The following KCNIP1 variants were observed in gnomAD, a reference collection of about 807,000 sequenced individuals.
KCNIP1 encodes potassium voltage-gated channel interacting protein 1.
A neutral mutation model predicts 33.0 loss-of-function variants in KCNIP1; 18 were observed. The ratio of observed to expected loss-of-function variants is 0.55; its 90% CI spans 0.38 to 0.81. KCNIP1 has a LOEUF of 0.81. KCNIP1 is among the 30% of genes least tolerant of loss of function. The pLI, the probability that KCNIP1 is intolerant of heterozygous loss-of-function variation, is 0.00. For missense variants in KCNIP1, 238 were observed against 271.6 expected, an observed-to-expected ratio of 0.88 and a Z score of 0.87; for synonymous variants, 93 against 98.3, an observed-to-expected ratio of 0.95 and a Z score of 0.32.
At position 170,550,117 on chromosome 5, in the gene KCNIP1, C is replaced by T. The variant is rs111961411; in HGVS notation, c.61+45484C>T. Among the ~76,000 whole-genome samples the T allele has an allele frequency of 3.3e-4, 50 of 152,188 alleles. 1 individual carries two copies. Among genetic ancestry groups the T allele is most frequent in the Admixed American group, 1.1e-3 (17 of 15,264 alleles). ...GCCCCTCAAATTGTTGGATCACAGC[C>T]GTGGAACAGGCCCCAGAGCTGGGAA... On this transcript the variant is annotated intron_variant, in intron 1 of 7. Coordinates refer to ENST00000328939, the MANE Select transcript of KCNIP1 (RefSeq NM_014592.4).
intron 1 of KCNIP1, among the ~76,000 whole-genome samples, chr5:170,496,763 C>G (rs372094239): frequency 6.6e-6 from 1 of 152,158 alleles, no homozygotes; most frequent in Non-Finnish European, 1.5e-5. Flanking sequence ...TCAGTCTCAC[C>G]CGTCCACCCT....
intron 1 of KCNIP1, among the ~76,000 whole-genome samples, chr5:170,470,432 CTT>C (rs977314658): frequency 5.3e-5 from 8 of 152,040 alleles, no homozygotes; most frequent in South Asian, 4.2e-4. Context: ...GACTTTTACT[CTT>C]GTTACCGAAC....
intron 1 of KCNIP1, among the ~76,000 whole-genome samples, chr5:170,621,156 C>A (rs2113642929): frequency 6.6e-6 from 1 of 152,336 alleles, no homozygotes; most frequent in South Asian, 2.1e-4. Flanking sequence ...ATTTTCCCAT[C>A]TGCAAAATGG....
chr5:170,426,799 G>A (rs571761073), intron 1 of KCNIP1, among the ~76,000 whole-genome samples: 23 of 152,382 alleles, frequency 1.5e-4, no homozygotes, highest in African/African-American at 5.5e-4. Flanking sequence ...ACTCCCAAGA[G>A]GGGTTCGTAG....
intron 1 of KCNIP1, chr5:170,486,013 T>C (rs1581234925): frequency 6.6e-6 from 1 of 152,526 alleles, no homozygotes; most frequent in East Asian, 1.9e-4. Flanking sequence ...GATGAGGACA[T>C]TACCTTTCTC....
chr5:170,448,470 G>A (rs1756169766), intron 1 of KCNIP1, among the ~76,000 whole-genome samples: 3 of 152,382 alleles, frequency 2.0e-5, no homozygotes, highest in Non-Finnish European at 4.4e-5. Flanking sequence ...GGGCTTGGAG[G>A]AGTGGCTGCT....
At chr5:170,455,393 G>A (rs1335668914) in intron 1 of KCNIP1, among the ~76,000 whole-genome samples, 2 of 152,034 alleles carry the variant, frequency 1.3e-5, no homozygotes, top group Admixed American at 6.5e-5. Flanking sequence ...AGGCTAGAGT[G>A]CAGTGGTGTG....
chr5:170,623,639 G>A (rs1324392878), intron 1 of KCNIP1, among the ~76,000 whole-genome samples: 1 of 152,118 alleles, frequency 6.6e-6, no homozygotes, highest in Non-Finnish European at 1.5e-5. Context: ...GCTTCATGAA[G>A]TTTCAGGTAA....
chr5:170,605,770 C>CTTTTTTTTT, intron 1 of KCNIP1, among the ~76,000 whole-genome samples: 1 of 102,350 alleles, frequency 9.8e-6, no homozygotes, highest in Non-Finnish European at 1.9e-5. Context: ...CAACCCTGTT[C>CTTTTTTTTT]TTTTTTTTTT....
chr5:170,396,839 C>G (rs1450989837), intron 1 of KCNIP1, among the ~76,000 whole-genome samples: 1 of 152,192 alleles, frequency 6.6e-6, no homozygotes, highest in Non-Finnish European at 1.5e-5. Flanking sequence ...TTAGTTAAAT[C>G]TCTCTGGGAT....
At chr5:170,367,176 A>G (rs1581113880) in intron 1 of KCNIP1, among the ~76,000 whole-genome samples, 2 of 151,842 alleles carry the variant, frequency 1.3e-5, no homozygotes, top group East Asian at 3.9e-4. Flanking sequence ...TTAGCTGGGC[A>G]TGGTGGCACA....
intron 1 of KCNIP1, among the ~76,000 whole-genome samples, chr5:170,619,871 C>T (rs1478493930): frequency 6.6e-6 from 1 of 152,126 alleles, no homozygotes; most frequent in South Asian, 2.1e-4. Flanking sequence ...CTTTAGAAAT[C>T]CTCAGATCAC....
intron 1 of KCNIP1, among the ~76,000 whole-genome samples, chr5:170,665,632 C>G (rs1385316344): frequency 6.6e-6 from 1 of 152,204 alleles, no homozygotes; most frequent in Non-Finnish European, 1.5e-5. Flanking sequence ...ATTATTTGCT[C>G]AAGTCCATAC....
intron 1 of KCNIP1, among the ~76,000 whole-genome samples, chr5:170,547,533 C>T (rs1197891751): frequency 6.6e-6 from 1 of 152,202 alleles, no homozygotes. Context: ...CCTCCTCCCA[C>T]CCTCTGGTGG....
At chr5:170,659,043 C>T (rs573391554) in intron 1 of KCNIP1, among the ~76,000 whole-genome samples, 1 of 152,310 alleles carries the variant, frequency 6.6e-6, no homozygotes, top group South Asian at 2.1e-4. Context: ...CATTGAGACA[C>T]GTACTGAGGG....
At chr5:170,652,608 G>A (rs1013698535) in intron 1 of KCNIP1, among the ~76,000 whole-genome samples, 4 of 152,124 alleles carry the variant, frequency 2.6e-5, no homozygotes, top group African/African-American at 4.8e-5. Context: ...CAGAGGAAAG[G>A]GGGCATTGCC....
At chr5:170,714,956 G>A (rs1296480018) in intron 1 of KCNIP1, among the ~76,000 whole-genome samples, 1 of 152,084 alleles carries the variant, frequency 6.6e-6, no homozygotes, top group African/African-American at 2.4e-5. Context: ...CTCATGTTTA[G>A]TAATATCCCA....
intron 1 of KCNIP1, among the ~76,000 whole-genome samples, chr5:170,583,449 A>G (rs548489835): frequency 1.1e-4 from 16 of 152,248 alleles, no homozygotes; most frequent in African/African-American, 3.9e-4. Context: ...AGGGAGAGGA[A>G]GAGGAGGGGG....
intron 3 of KCNIP1, among the ~76,000 whole-genome samples, 195 bp downstream of exon 3, chr5:170,720,585 C>A (rs1274030640): frequency 6.6e-6 from 1 of 152,192 alleles, no homozygotes; most frequent in East Asian, 1.9e-4. Flanking sequence ...AATGAACCCA[C>A]CCTGGAAGGG....
Sources: allele counts gnomAD v4.1 joint callset (sites outside exome capture counted in the v4.1 genomes callset), GRCh38; gene constraint gnomAD v4.1.1; transcripts MANE v1.5; gene names NCBI Gene and HGNC (gene_info 2026-07-23, HGNC 2026-07-21).